The following ST6GALNAC3 variants were observed in gnomAD, a reference collection of about 807,000 sequenced individuals.
The protein encoded by ST6GALNAC3 is alpha-N-acetylgalactosaminide alpha-2,6-sialyltransferase 3.
Under a neutral mutation model 32.7 loss-of-function variants are expected in ST6GALNAC3, and 25 were observed. That is an observed-to-expected ratio of 0.76 (90% confidence interval 0.56 to 1.07). ST6GALNAC3 has a LOEUF of 1.07. Ranked by LOEUF, ST6GALNAC3 falls within the 50% of genes least tolerant of loss-of-function variation. The probability of loss-of-function intolerance (pLI) is 0.00; values close to 1 mark genes in which losing one functional copy is unlikely to be tolerated. For missense variants in ST6GALNAC3, 355 were observed against 382.4 expected, an observed-to-expected ratio of 0.93 and a Z score of 0.60; for synonymous variants, 129 against 133.1, an observed-to-expected ratio of 0.97 and a Z score of 0.21.
chr1:76,431,874 T>C (rs1012498168), intron 3 of ST6GALNAC3, among the ~76,000 whole-genome samples: 6 of 152,170 alleles, frequency 3.9e-5, no homozygotes, highest in Non-Finnish European at 7.4e-5. Flanking sequence ...GGCATCACTC[T>C]TGGCATTGTA....
chr1:76,273,243 A>T (rs1658952114), intron 1 of ST6GALNAC3, among the ~76,000 whole-genome samples: 1 of 152,174 alleles, frequency 6.6e-6, no homozygotes, highest in Non-Finnish European at 1.5e-5. Context: ...AAATACTTTT[A>T]AAAACTCTAA....
At chr1:76,424,230 T>A (rs986861913) in intron 3 of ST6GALNAC3, among the ~76,000 whole-genome samples, 3 of 152,016 alleles carry the variant, frequency 2.0e-5, no homozygotes, top group African/African-American at 7.2e-5. Flanking sequence ...CTTCTCTTTA[T>A]CTTTACTTCA....
chr1:76,114,039 C>T (rs1307958711), intron 1 of ST6GALNAC3, among the ~76,000 whole-genome samples: 6 of 144,688 alleles, frequency 4.1e-5, no homozygotes, highest in African/African-American at 1.3e-4. Flanking sequence ...GACGGAGTCT[C>T]GCCATGTTGG....
chr1:76,149,283 A>G (rs1221119801), intron 1 of ST6GALNAC3, among the ~76,000 whole-genome samples: 1 of 152,196 alleles, frequency 6.6e-6, no homozygotes, highest in African/African-American at 2.4e-5. Context: ...ATAGTGAAGA[A>G]TTGCTCATGG....
intron 1 of ST6GALNAC3, among the ~76,000 whole-genome samples, chr1:76,202,495 A>C (rs1654585903): frequency 6.6e-6 from 1 of 152,252 alleles, no homozygotes; most frequent in Admixed American, 6.5e-5. Context: ...CTCCACCCCA[A>C]GTTCTCTCCC....
chr1:76,120,242 G>A (rs1481314432), intron 1 of ST6GALNAC3, among the ~76,000 whole-genome samples: 1 of 152,246 alleles, frequency 6.6e-6, no homozygotes, highest in Admixed American at 6.5e-5. Context: ...TGAGAGTGCT[G>A]AGGGTGGGAT....
intron 3 of ST6GALNAC3, among the ~76,000 whole-genome samples, chr1:76,567,687 G>A (rs1665633342): frequency 6.6e-6 from 1 of 152,138 alleles, no homozygotes; most frequent in Non-Finnish European, 1.5e-5. Flanking sequence ...GTACTTATGA[G>A]AAATAGATAT....
chr1:76,278,365 G>A (rs567267970), intron 1 of ST6GALNAC3, among the ~76,000 whole-genome samples: 3 of 151,946 alleles, frequency 2.0e-5, no homozygotes, highest in Non-Finnish European at 2.9e-5. Flanking sequence ...GGGACTACAG[G>A]GGCCCGCCAC....
At chr1:76,104,924 AAAC>A (rs1245624294) in intron 1 of ST6GALNAC3, among the ~76,000 whole-genome samples, 2 of 152,110 alleles carry the variant, frequency 1.3e-5, no homozygotes, top group Non-Finnish European at 2.9e-5. Flanking sequence ...ACTATCATGA[AAAC>A]AACACGGGAA....
intron 3 of ST6GALNAC3, among the ~76,000 whole-genome samples, chr1:76,488,685 A>G (rs941731572): frequency 6.6e-6 from 1 of 152,198 alleles, no homozygotes; most frequent in Admixed American, 6.6e-5. Context: ...CATCCAGTCC[A>G]TTCCAGCATC....
At chr1:76,288,330 A>C (rs964201799) in intron 1 of ST6GALNAC3, among the ~76,000 whole-genome samples, 1 of 152,212 alleles carries the variant, frequency 6.6e-6, no homozygotes, top group Non-Finnish European at 1.5e-5. Context: ...AGTGAAAAAA[A>C]TAATGGCTCC....
chr1:76,465,274 T>G (rs1658551271), intron 3 of ST6GALNAC3, among the ~76,000 whole-genome samples: 1 of 152,190 alleles, frequency 6.6e-6, no homozygotes, highest in Admixed American at 6.6e-5. Context: ...AACAAAATGC[T>G]TACCCATTGC....
At chr1:76,475,249 C>T (rs11162159) in intron 3 of ST6GALNAC3, among the ~76,000 whole-genome samples, 41,015 of 152,074 alleles carry the variant, frequency 0.27, 8,031 homozygotes, top group African/African-American at 0.56. Context: ...TAGCGGCTTA[C>T]GCTCTGTGGT....
rs1421303857 is a variant in ST6GALNAC3 at position 76,341,678 on chromosome 1, T to TTTCTTTCTTTCTTTCC, written c.213+27682_213+27683insTTTCTTTCTTTCCTTC. On this transcript the variant is annotated intron_variant, in intron 2 of 4. Coordinates refer to ENST00000328299, the MANE Select transcript of ST6GALNAC3 (RefSeq NM_152996.4). Reference sequence around the variant, plus strand: ...CTTTCTTTCTTTCTTTCTTTCTTTCTTTCCTTCTTTCTTTCTTTCTTTCTT... The same window carrying TTTCTTTCTTTCTTTCC: ...CTTTCTTTCTTTCTTTCTTTCTTTCTTTCTTTCTTTCTTTCCTTCCTTCTTTCTTTCTTTCTTTCTT... Among the ~76,000 whole-genome samples the TTTCTTTCTTTCTTTCC allele has an allele frequency of 6.1e-3, 743 of 121,182 alleles. 54 individuals are homozygous for TTTCTTTCTTTCTTTCC. The highest frequency in any genetic ancestry group is 0.012 in the African/African-American group (327 of 27,754). The allele number at this position is 121,182 out of a possible 152,430, so 79.5% of individuals were successfully genotyped here. A position where few individuals can be genotyped will look rare whatever the true frequency, so the allele number is the denominator to read the frequency against.
intron 1 of ST6GALNAC3, among the ~76,000 whole-genome samples, chr1:76,199,470 G>A (rs1460054568): frequency 6.6e-6 from 1 of 152,214 alleles, no homozygotes; most frequent in Non-Finnish European, 1.5e-5. Context: ...ATTCAGAGGT[G>A]TGTAGCTATC....
chr1:76,196,528 C>T (rs865984549), intron 1 of ST6GALNAC3, among the ~76,000 whole-genome samples: 4 of 151,504 alleles, frequency 2.6e-5, no homozygotes, highest in Non-Finnish European at 5.9e-5. Context: ...TGCAATGGCG[C>T]GATCTCGGCT....
chr1:76,207,399 C>T (rs1285150619), intron 1 of ST6GALNAC3, among the ~76,000 whole-genome samples: 2 of 152,206 alleles, frequency 1.3e-5, no homozygotes, highest in East Asian at 3.8e-4. Context: ...TGAGAATACA[C>T]AGTAAAGGTA....
intron 1 of ST6GALNAC3, among the ~76,000 whole-genome samples, chr1:76,281,053 T>C (rs140828699): frequency 4.6e-5 from 7 of 152,342 alleles, no homozygotes; most frequent in Admixed American, 3.3e-4. Context: ...TATTACTATC[T>C]CGTTTTGCAG....
At chr1:76,277,413 G>C (rs1570663988) in intron 1 of ST6GALNAC3, among the ~76,000 whole-genome samples, 1 of 151,446 alleles carries the variant, frequency 6.6e-6, no homozygotes, top group East Asian at 1.9e-4. Context: ...TGACATTACA[G>C]ATAACTGGGA....
Sources: allele counts gnomAD v4.1 joint callset (sites outside exome capture counted in the v4.1 genomes callset), GRCh38; gene constraint gnomAD v4.1.1; transcripts MANE v1.5; gene names NCBI Gene and HGNC (gene_info 2026-07-23, HGNC 2026-07-21).